The following KIAA0930 variants were observed in gnomAD, a reference collection of about 807,000 sequenced individuals.
KIAA0930 encodes the protein KIAA0930.
In KIAA0930, 24 loss-of-function variants were observed where a neutral mutation model predicts 43.9. That is an observed-to-expected ratio of 0.55 (90% CI 0.40 to 0.77). The LOEUF (loss-of-function observed/expected upper bound fraction) is 0.77, where lower values mean the gene tolerates loss of function less well. Among genes scored for constraint, KIAA0930 ranks in the 30% least tolerant of loss-of-function variants. The pLI is 0.00. For synonymous variants in KIAA0930, 259 were observed against 216.4 expected (o/e 1.20, Z -1.73); for missense variants, 461 against 574.2 (o/e 0.80, Z 2.02).
At chr22:45,237,265 A>C (rs944610622) in intron 1 of KIAA0930, among the ~76,000 whole-genome samples, 1 of 152,232 alleles carries the variant, frequency 6.6e-6, no homozygotes, top group Non-Finnish European at 1.5e-5. Context: ...TGCTTCCAGC[A>C]GGGTTTGTAC....
chr22:45,205,959 CTCT>C (rs775923093), intron 2 of KIAA0930, 47 bp from the exon 3 acceptor site: 7 of 1,603,078 alleles, frequency 4.4e-6, no homozygotes, highest in South Asian at 2.2e-5. Context: ...CACTGTGGTG[CTCT>C]TCTTCTTCCC....
intron 1 of KIAA0930, among the ~76,000 whole-genome samples, chr22:45,236,018 G>A (rs567087021): frequency 6.6e-6 from 1 of 152,352 alleles, no homozygotes; most frequent in African/African-American, 2.4e-5. Context: ...CAGAGGCAAG[G>A]CCGTCTCCCT....
intron 1 of KIAA0930, among the ~76,000 whole-genome samples, chr22:45,222,159 A>AGGG (rs1266597922): frequency 6.6e-6 from 1 of 152,240 alleles, no homozygotes; most frequent in Non-Finnish European, 1.5e-5. Context: ...AGCCAAAATA[A>AGGG]ATTCCAAAAA....
intron 1 of KIAA0930, among the ~76,000 whole-genome samples, chr22:45,225,669 G>A (rs1398842640): frequency 6.6e-6 from 1 of 152,118 alleles, no homozygotes; most frequent in Non-Finnish European, 1.5e-5. Flanking sequence ...GGTCAGCTCA[G>A]GGGCCACCTC....
At chr22:45,216,202 G>C (rs969323065) in intron 1 of KIAA0930, among the ~76,000 whole-genome samples, 1 of 152,176 alleles carries the variant, frequency 6.6e-6, no homozygotes. Flanking sequence ...AGGAGTTGCA[G>C]TCAAACATAT....
At position 45,225,552 on chromosome 22, in the gene KIAA0930, A is replaced by G. The variant is rs573376519; in HGVS notation, c.65-13445T>C. 1.1e-4 allele frequency among the ~76,000 whole-genome samples: 17 copies of G among 152,218 alleles called. No homozygotes were observed. In the East Asian group the frequency reaches 3.3e-3, roughly 29 times the overall value. ...CAGCCTCGGCCCTTCTTCTCTGACC[A>G]AACGCCCTGCATCCCCCTGGAGAGC... On this transcript the variant is annotated intron_variant, in intron 1 of 9. Coordinates refer to ENST00000336156, the MANE Select transcript of KIAA0930 (RefSeq NM_001009880.2).
chr22:45,234,983 C>T (rs954074462), intron 1 of KIAA0930, among the ~76,000 whole-genome samples: 4 of 146,514 alleles, frequency 2.7e-5, no homozygotes, highest in African/African-American at 7.6e-5. Flanking sequence ...TTCTAGTTTC[C>T]GTAATGTGCA....
chr22:45,237,052 G>A (rs1350879166), intron 1 of KIAA0930, among the ~76,000 whole-genome samples: 3 of 152,252 alleles, frequency 2.0e-5, no homozygotes, highest in Non-Finnish European at 4.4e-5. Context: ...TTGAAAGGGA[G>A]CCTGTGTGCT....
At chr22:45,231,237 A>T (rs567329980) in intron 1 of KIAA0930, among the ~76,000 whole-genome samples, 3 of 150,646 alleles carry the variant, frequency 2.0e-5, no homozygotes, top group Admixed American at 6.6e-5. Flanking sequence ...AAAAAAAAAA[A>T]AAAGAAAGAA....
In KIAA0930 at chr22:45,223,525, C is replaced by G. The variant is rs576973113; in HGVS notation, c.65-11418G>C. Among the ~76,000 whole-genome samples, 3 of 152,266 alleles carry G rather than the reference C, an allele frequency of 2.0e-5. No individual in the cohort carries two copies. The East Asian group carries it at 5.8e-4, about 29-fold the overall frequency. The stretch of plus-strand genomic sequence containing the variant: ...CCTGGGTTGTTGAAAGTTAGTCCAT[C>G]CACGTGAAGCCTTTAAAATTGTGCT... On this transcript the variant is annotated intron_variant, in intron 1 of 9. Coordinates refer to ENST00000336156, the MANE Select transcript of KIAA0930 (RefSeq NM_001009880.2).
chr22:45,220,131 T>C (rs1054645911), intron 1 of KIAA0930, among the ~76,000 whole-genome samples: 1 of 152,104 alleles, frequency 6.6e-6, no homozygotes, highest in African/African-American at 2.4e-5. Context: ...ATATATGCCA[T>C]TGGCCAAGCA....
chr22:45,218,749 T>C (rs1010455357), intron 1 of KIAA0930, among the ~76,000 whole-genome samples: 1 of 152,072 alleles, frequency 6.6e-6, no homozygotes, highest in Non-Finnish European at 1.5e-5. Flanking sequence ...ATGTTACAAA[T>C]GCAGAAACTA....
In KIAA0930 at chr22:45,194,703, G is replaced by C. The variant is rs1339730438; in HGVS notation, c.*2473C>G. 2.0e-5 allele frequency: 3 copies of C among 152,200 alleles called. No individual in the cohort carries two copies. The highest frequency in any genetic ancestry group is 7.2e-5 in the African/African-American group (3 of 41,442). The allele number at this position is 152,200 out of a possible 1,614,324, so 9.4% of individuals were successfully genotyped here. ...ACACCTTACTGTCTGGTTCTCAAGT[G>C]GCTAAGTGGCTCTGAGCAAGTTTTA... On this transcript the variant is annotated 3_prime_UTR_variant, in exon 10 of 10. Transcript: ENST00000336156.
intron 1 of KIAA0930, among the ~76,000 whole-genome samples, chr22:45,232,359 C>T (rs2083859201): frequency 6.6e-6 from 1 of 152,238 alleles, no homozygotes. Flanking sequence ...CAAAGCACAT[C>T]CCAATACAAA....
chr22:45,205,770 G>GGGGGCCC, intron 3 of KIAA0930, 23 bp downstream of exon 3: 95 of 1,523,478 alleles, frequency 6.2e-5, no homozygotes, highest in Non-Finnish European at 7.7e-5. Context: ...CCAATCCGCA[G>GGGGGCCC]CCCCACCCAT....
At chr22:45,236,804 A>G (rs917606785) in intron 1 of KIAA0930, among the ~76,000 whole-genome samples, 6 of 152,254 alleles carry the variant, frequency 3.9e-5, no homozygotes, top group African/African-American at 1.2e-4. Flanking sequence ...TCCAAAGACA[A>G]AAGGAAAGAA....
intron 2 of KIAA0930, among the ~76,000 whole-genome samples, chr22:45,207,038 G>T (rs547425701): frequency 2.7e-5 from 4 of 150,652 alleles, no homozygotes; most frequent in Non-Finnish European, 5.9e-5. Flanking sequence ...ACGGAGTCTC[G>T]CTCTGTCACC....
At chr22:45,208,788 C>T (rs149621109) in intron 2 of KIAA0930, among the ~76,000 whole-genome samples, 2 of 152,358 alleles carry the variant, frequency 1.3e-5, no homozygotes, top group East Asian at 1.9e-4. Flanking sequence ...GACAGGGCTT[C>T]GCCGCTGGCA....
At chr22:45,217,602 T>G (rs960054212) in intron 1 of KIAA0930, among the ~76,000 whole-genome samples, 1 of 152,102 alleles carries the variant, frequency 6.6e-6, no homozygotes, top group Non-Finnish European at 1.5e-5. Flanking sequence ...CTAACTAGAC[T>G]GCAAAAAGGA....
Sources: gnomAD v4.1 joint callset for allele counts (sites outside exome capture counted in the v4.1 genomes callset) on GRCh38, gnomAD v4.1.1 for gene constraint, MANE v1.5 for transcripts, NCBI Gene and HGNC (gene_info 2026-07-23, HGNC 2026-07-21) for gene names.